Variants in TM4SF1 observed in about 807,000 individuals in gnomAD.
TM4SF1 encodes transmembrane 4 L six family member 1, also known as transmembrane 4 L6 family member 1.
A neutral mutation model predicts 24.5 loss-of-function variants in TM4SF1; 20 were observed. The ratio of observed to expected loss-of-function variants is 0.82; its 90% CI spans 0.57 to 1.19. The LOEUF is 1.19. Ranked by LOEUF, TM4SF1 falls within the 50% of genes most tolerant of loss-of-function variation. TM4SF1 has a pLI of 0.00. For missense variants in TM4SF1, 258 were observed against 248.1 expected (o/e 1.04, Z -0.27); for synonymous variants, 107 against 95.4 (o/e 1.12, Z -0.71).
chr3:149,371,944 T>C (rs938550812), intron 3 of TM4SF1, 77 bp from the exon 4 acceptor site: 2 of 1,396,144 alleles, frequency 1.4e-6, no homozygotes, highest in Admixed American at 2.1e-5. Context: ...TGTTTGGTGG[T>C]TTTTCATTCA....
chr3:149,373,540 T>C (rs1731880082), intron 3 of TM4SF1, among the ~76,000 whole-genome samples: 2 of 152,238 alleles, frequency 1.3e-5, no homozygotes, highest in South Asian at 4.1e-4. Context: ...AATAGTTCAT[T>C]GAGCCAATCA....
At chr3:149,374,925 A>T (rs1045745633) in intron 3 of TM4SF1, among the ~76,000 whole-genome samples, 2 of 152,238 alleles carry the variant, frequency 1.3e-5, no homozygotes, top group Non-Finnish European at 2.9e-5. Context: ...CACAAACTCT[A>T]CATCTAGACT....
intron 3 of TM4SF1, among the ~76,000 whole-genome samples, chr3:149,372,212 G>C (rs1374242800): frequency 6.6e-6 from 1 of 152,138 alleles, no homozygotes; most frequent in African/African-American, 2.4e-5. Flanking sequence ...TTTAAAGCTA[G>C]GTAAGATTCA....
intron 4 of TM4SF1, chr3:149,371,395 C>T (rs758617677): frequency 9.0e-6 from 5 of 555,672 alleles, no homozygotes; most frequent in South Asian, 4.9e-5. Flanking sequence ...GTCTCTGCAG[C>T]GAGAGCAGAG....
intron 4 of TM4SF1, 123 bp downstream of exon 4, chr3:149,371,564 A>C: frequency 1.0e-6 from 1 of 973,496 alleles, no homozygotes; most frequent in South Asian, 1.4e-5. Flanking sequence ...TGTTGCTACA[A>C]AGATGATATC....
At chr3:149,372,863 A>G (rs7626231) in intron 3 of TM4SF1, among the ~76,000 whole-genome samples, 3,726 of 152,300 alleles carry the variant, frequency 0.024, 129 homozygotes, top group African/African-American at 0.085. Flanking sequence ...TGCTCATTCA[A>G]CAAAGATTAT....
chr3:149,375,262 C>A (rs1028504387), intron 3 of TM4SF1, among the ~76,000 whole-genome samples, 181 bp downstream of exon 3: 1 of 151,984 alleles, frequency 6.6e-6, no homozygotes, highest in African/African-American at 2.4e-5. Flanking sequence ...TTGTTTAGGT[C>A]GGGGACTGGG....
At chr3:149,370,448 T>C (rs1583122) in intron 4 of TM4SF1, 136,340 of 152,566 alleles carry the variant, frequency 0.89, 61,175 homozygotes, top group African/African-American at 0.96. Context: ...ATTTTGGTCA[T>C]TGGCTCTTTA....
intron 4 of TM4SF1, chr3:149,371,375 T>A (rs1262350023): frequency 1.9e-6 from 1 of 538,700 alleles, no homozygotes; most frequent in Non-Finnish European, 3.3e-6. Flanking sequence ...CAGACATCAC[T>A]TTTTTTTCTG....
intron 3 of TM4SF1, among the ~76,000 whole-genome samples, chr3:149,373,088 CT>C (rs1369467293): frequency 6.6e-6 from 1 of 152,190 alleles, no homozygotes; most frequent in South Asian, 2.1e-4. Flanking sequence ...GCTTATGTAT[CT>C]ATTCAATAAG....
chr3:149,369,649 C>T lies in TM4SF1; in HGVS notation c.*217G>A, dbSNP rs1019128616. The T allele has an allele frequency of 7.3e-6, 4 of 550,980 alleles. No homozygotes were observed. Among genetic ancestry groups the T allele is most frequent in the Admixed American group, 3.8e-5 (1 of 25,982 alleles). 34.1% of individuals were successfully genotyped at this position (550,980 alleles called of 1,614,324 possible). On this transcript the variant is annotated 3_prime_UTR_variant, in exon 5 of 5. Transcript: ENST00000305366. The stretch of plus-strand genomic sequence containing the variant: ...CAGAGGGTGGTTTGTTTCCTCATTC[C>T]TTAAAAAAAAACAAAAACAAATAAA...
At chr3:149,371,553 G>A in intron 4 of TM4SF1, 134 bp downstream of exon 4, 1 of 870,802 alleles carries the variant, frequency 1.1e-6, no homozygotes, top group African/African-American at 1.7e-5. Context: ...TGCTATAATT[G>A]TGTTGCTACA....
chr3:149,372,384 A>G (rs1453433873), intron 3 of TM4SF1, among the ~76,000 whole-genome samples: 3 of 152,188 alleles, frequency 2.0e-5, no homozygotes, highest in African/African-American at 7.2e-5. Context: ...GTGAATATTT[A>G]GAAAATACAA....
rs749839395 is a variant in TM4SF1, at chr3:149,371,739, A to T, written c.542T>A (p.Val181Glu). ...TATGCCTCCAAGCACTCCATTTATTACTTGAATAAGACACAAGATGAATTC... is the reference window on the plus strand; with the variant it reads ...TATGCCTCCAAGCACTCCATTTATTTCTTGAATAAGACACAAGATGAATTC... ...GIEFILCLIQVINGVLGGICG... is the reference protein window; with the variant it reads ...GIEFILCLIQEINGVLGGICG... Residue 181 changes from valine to glutamate, a missense_variant, in exon 4 of 5, where the codon GTA becomes GAA. By Grantham distance (121) the Val-to-Glu change is moderately radical. Coordinates refer to ENST00000305366, the MANE Select transcript of TM4SF1 (RefSeq NM_014220.3). The T allele has an allele frequency of 6.2e-7, 1 of 1,614,200 alleles. No homozygotes were observed. The highest frequency in any genetic ancestry group is 8.5e-7 in the Non-Finnish European group (1 of 1,180,018).
chr3:149,370,839 GA>G (rs1345066991), intron 4 of TM4SF1: 6 of 152,126 alleles, frequency 3.9e-5, no homozygotes, highest in African/African-American at 1.2e-4. Context: ...AAAGTTAACA[GA>G]TCTGGCACCA....
chr3:149,370,294 C>T (rs1207692891), intron 4 of TM4SF1: 3 of 166,172 alleles, frequency 1.8e-5, no homozygotes, highest in African/African-American at 7.2e-5. Flanking sequence ...TTGAAAGTGT[C>T]TTTTGTCTTA....
chr3:149,371,967 G>T, intron 3 of TM4SF1, 100 bp from the exon 4 acceptor site: 2 of 1,157,052 alleles, frequency 1.7e-6, no homozygotes, highest in Non-Finnish European at 2.5e-6. Context: ...AAAAAGGAAT[G>T]AATTATTCAA....
chr3:149,376,834 G>C (rs899101070), intron 1 of TM4SF1, among the ~76,000 whole-genome samples: 1 of 152,138 alleles, frequency 6.6e-6, no homozygotes, highest in African/African-American at 2.4e-5. Context: ...TTCAGACACC[G>C]ACCTGCTGCT....
intron 3 of TM4SF1, among the ~76,000 whole-genome samples, chr3:149,373,450 G>T (rs1474957434): frequency 6.6e-6 from 1 of 152,144 alleles, no homozygotes; most frequent in Non-Finnish European, 1.5e-5. Context: ...TCCACAAAGA[G>T]GCCTGGTATA....
Sources: gnomAD v4.1 joint callset for allele counts (sites outside exome capture counted in the v4.1 genomes callset) on GRCh38, gnomAD v4.1.1 for gene constraint, MANE v1.5 for transcripts, NCBI Gene and HGNC (gene_info 2026-07-23, HGNC 2026-07-21) for gene names.